The following POU6F2 variants were observed in gnomAD, a reference collection of about 807,000 sequenced individuals.
POU6F2 encodes POU class 6 homeobox 2, also known as POU domain, class 6, transcription factor 2.
A neutral mutation model predicts 71.3 loss-of-function variants in POU6F2; 31 were observed. That is an observed-to-expected ratio of 0.43 (90% confidence interval 0.33 to 0.59). The LOEUF is 0.59. Among genes scored for constraint, POU6F2 ranks in the 20% least tolerant of loss-of-function variants. The pLI, the probability that POU6F2 is intolerant of heterozygous loss-of-function variation, is 0.04. For missense variants in POU6F2, 783 were observed against 856.8 expected, an observed-to-expected ratio of 0.91 and a Z score of 1.07; for synonymous variants, 347 against 355.7, an observed-to-expected ratio of 0.98 and a Z score of 0.27.
chr7:39,000,189 TG>T (rs1042406802), intron 1 of POU6F2, among the ~76,000 whole-genome samples: 9 of 152,118 alleles, frequency 5.9e-5, no homozygotes, highest in African/African-American at 2.2e-4. Context: ...CAAGCATGTT[TG>T]GGGGGACATT....
At chr7:39,066,719 C>T (rs967404204) in intron 1 of POU6F2, among the ~76,000 whole-genome samples, 5 of 150,242 alleles carry the variant, frequency 3.3e-5, no homozygotes, top group African/African-American at 1.2e-4. Context: ...GACATTTATT[C>T]CCCCCCTTTT....
At chr7:39,031,696 C>G (rs1789945979) in intron 1 of POU6F2, among the ~76,000 whole-genome samples, 1 of 152,042 alleles carries the variant, frequency 6.6e-6, no homozygotes, top group East Asian at 1.9e-4. Context: ...GCCTGGTCAA[C>G]ATGGCAAAAC....
intron 2 of POU6F2, among the ~76,000 whole-genome samples, chr7:39,132,165 G>A (rs1015051417): frequency 6.6e-5 from 10 of 152,198 alleles, no homozygotes; most frequent in African/African-American, 2.4e-4. Context: ...GAAAGTAACG[G>A]ATAATGACCA....
chr7:39,149,376 T>C (rs956858643), intron 2 of POU6F2, among the ~76,000 whole-genome samples: 1 of 152,240 alleles, frequency 6.6e-6, no homozygotes, highest in African/African-American at 2.4e-5. Flanking sequence ...AGTGTTTTTA[T>C]TTATTTGTTA....
At chr7:39,335,902 T>C (rs1413618341) in intron 4 of POU6F2, among the ~76,000 whole-genome samples, 1 of 152,162 alleles carries the variant, frequency 6.6e-6, no homozygotes, top group Non-Finnish European at 1.5e-5. Flanking sequence ...GCCTTTCCAG[T>C]AGGCACAATG....
At chr7:39,186,567 G>A (rs967094062) in intron 2 of POU6F2, among the ~76,000 whole-genome samples, 1 of 152,100 alleles carries the variant, frequency 6.6e-6, no homozygotes, top group African/African-American at 2.4e-5. Flanking sequence ...AGCACCAACC[G>A]AGCCATTTTT....
chr7:39,249,331 G>A (rs1427710264), intron 4 of POU6F2, among the ~76,000 whole-genome samples: 1 of 152,004 alleles, frequency 6.6e-6, no homozygotes, highest in Non-Finnish European at 1.5e-5. Context: ...ACCTGGGTTC[G>A]GCCCTGGTCT....
At chr7:39,258,023 C>A (rs1411977119) in intron 4 of POU6F2, among the ~76,000 whole-genome samples, 1 of 152,126 alleles carries the variant, frequency 6.6e-6, no homozygotes, top group East Asian at 1.9e-4. Flanking sequence ...ACCACTGTTT[C>A]CCCCCATTTC....
intron 2 of POU6F2, among the ~76,000 whole-genome samples, chr7:39,192,260 G>A (rs1793684879): frequency 6.6e-6 from 1 of 152,148 alleles, no homozygotes; most frequent in Non-Finnish European, 1.5e-5. Context: ...ATTTTGAGTT[G>A]CACACAAGAG....
At chr7:39,264,532 A>G (rs1289295788) in intron 4 of POU6F2, among the ~76,000 whole-genome samples, 4 of 152,258 alleles carry the variant, frequency 2.6e-5, no homozygotes, top group South Asian at 4.1e-4. Context: ...GTTCATCTCT[A>G]TAATTCTGCC....
chr7:39,401,064 G>A lies in POU6F2; in HGVS notation c.973-5536G>A, dbSNP rs577085305. 2.2e-4 allele frequency among the ~76,000 whole-genome samples: 33 copies of A among 152,308 alleles called. No homozygotes were observed. In the South Asian group the frequency reaches 6.6e-3, roughly 31 times the overall value. ...AAGAGGAGGGGCCAGGCTCCTCCCT[G>A]CTGCAAACAGCGTGGATTTCTGTGG... On this transcript the variant is annotated intron_variant, in intron 5 of 9. Coordinates refer to ENST00000518318, the MANE Select transcript of POU6F2 (RefSeq NM_001370959.1).
chr7:39,088,528 T>C (rs553555041), intron 2 of POU6F2, among the ~76,000 whole-genome samples: 27 of 152,314 alleles, frequency 1.8e-4, no homozygotes, highest in African/African-American at 6.3e-4. Context: ...TAATGAAGAA[T>C]TGCATTCTTC....
intron 5 of POU6F2, among the ~76,000 whole-genome samples, chr7:39,395,936 A>T (rs1243539369): frequency 2.0e-5 from 3 of 152,256 alleles, no homozygotes; most frequent in African/African-American, 7.2e-5. Flanking sequence ...ATGATAGAAT[A>T]TAAAAAAACA....
intron 2 of POU6F2, among the ~76,000 whole-genome samples, chr7:39,162,984 A>T (rs1793029150): frequency 6.6e-6 from 1 of 151,958 alleles, no homozygotes; most frequent in East Asian, 1.9e-4. Flanking sequence ...ATTACCCCAC[A>T]CTCTGGAGAA....
intron 4 of POU6F2, among the ~76,000 whole-genome samples, chr7:39,303,179 C>T (rs1244533540): frequency 2.6e-5 from 4 of 151,976 alleles, no homozygotes; most frequent in Non-Finnish European, 5.9e-5. Context: ...TTTTTTGAGA[C>T]GGAGTCTCGC....
At chr7:39,239,961 GT>G (rs1231802602) in intron 4 of POU6F2, among the ~76,000 whole-genome samples, 1 of 152,094 alleles carries the variant, frequency 6.6e-6, no homozygotes, top group Non-Finnish European at 1.5e-5. Flanking sequence ...ATGAGAGGCT[GT>G]TTTCTGTCAC....
chr7:39,285,170 A>T (rs149341448), intron 4 of POU6F2, among the ~76,000 whole-genome samples: 3 of 152,358 alleles, frequency 2.0e-5, no homozygotes, highest in South Asian at 2.1e-4. Flanking sequence ...CTAATTTGTC[A>T]CAACTGTATT....
chr7:39,102,788 T>C (rs902710752), intron 2 of POU6F2, among the ~76,000 whole-genome samples: 10 of 152,200 alleles, frequency 6.6e-5, no homozygotes, highest in Non-Finnish European at 1.3e-4. Context: ...TAAATCTAGA[T>C]GGTGGAGCCT....
At chr7:39,187,536 C>T (rs1441388962) in intron 2 of POU6F2, among the ~76,000 whole-genome samples, 2 of 152,206 alleles carry the variant, frequency 1.3e-5, no homozygotes, top group Non-Finnish European at 2.9e-5. Context: ...GTGGTCTGCA[C>T]GTCACCGAGG....
Sources: gnomAD v4.1 joint callset for allele counts (sites outside exome capture counted in the v4.1 genomes callset) on GRCh38, gnomAD v4.1.1 for gene constraint, MANE v1.5 for transcripts, NCBI Gene and HGNC (gene_info 2026-07-23, HGNC 2026-07-21) for gene names.